Variants in ANKRA2 observed in about 807,000 individuals in gnomAD.
The protein encoded by ANKRA2 is ankyrin repeat family A member 2.
In ANKRA2, 33 loss-of-function variants were observed where a neutral mutation model predicts 37.8. That is an observed-to-expected ratio of 0.87 (90% confidence interval 0.66 to 1.17). The LOEUF is 1.17. ANKRA2 is among the 50% of genes most tolerant of loss of function. The pLI is 0.00. For synonymous variants in ANKRA2, 126 were observed against 132.3 expected, an observed-to-expected ratio of 0.95 and a Z score of 0.33; for missense variants, 326 against 373.7, an observed-to-expected ratio of 0.87 and a Z score of 1.05.
chr5:73,561,486 G>C (rs1266050915), intron 2 of ANKRA2, 198 bp from the exon 3 acceptor site: 1 of 538,174 alleles, frequency 1.9e-6, no homozygotes, highest in Non-Finnish European at 3.1e-6. Flanking sequence ...AAAAGTCTAG[G>C]CTGGGCATGG....
In ANKRA2 at chr5:73,562,976, A is replaced by G; in HGVS notation, c.-95T>C. On this transcript the variant is annotated 5_prime_UTR_variant, in exon 2 of 9. Transcript: ENST00000296785. Reference sequence around the variant, plus strand: ...TCCAGTGTGTTCTTGGAATCTGGATATTTAAAAATCTGAAAGAAAAAATTA... The same window carrying G: ...TCCAGTGTGTTCTTGGAATCTGGATGTTTAAAAATCTGAAAGAAAAAATTA... 1 of 1,199,162 alleles carries G rather than the reference A, an allele frequency of 8.3e-7. No individual in the cohort carries two copies. Among genetic ancestry groups the G allele is most frequent in the African/African-American group, 1.5e-5 (1 of 65,330 alleles). The allele number at this position is 1,199,162 out of a possible 1,614,324, so 74.3% of individuals were successfully genotyped here. A position where few individuals can be genotyped will look rare whatever the true frequency, so the allele number is the denominator to read the frequency against.
At position 73,562,664 on chromosome 5, in the gene ANKRA2, T is replaced by C. The variant is rs745713078; in HGVS notation, c.218A>G (p.Asn73Ser). 7 of 1,614,074 alleles carry C rather than the reference T, an allele frequency of 4.3e-6. No individual in the cohort carries two copies. In the South Asian group the frequency reaches 7.7e-5, roughly 18 times the overall value. ...NVCSRFVKSL[N>S]EEDSKNIQDQ... ...TTGAATATTTTTACTATCTTCTTCATTTAAGGACTTCACAAATCGAGAACA... is the reference window on the plus strand; with the variant it reads ...TTGAATATTTTTACTATCTTCTTCACTTAAGGACTTCACAAATCGAGAACA... The change falls in exon 2 of 9, where the codon AAT becomes AGT. Residue 73 changes from asparagine to serine, a missense_variant. Asn to Ser is a conservative substitution (Grantham distance 46). This residue lies in a region of ANKRA2 where 93 missense variants were observed against 91.1 expected (regional missense o/e 1.02). Transcript: ENST00000296785.
intron 2 of ANKRA2, among the ~76,000 whole-genome samples, chr5:73,562,162 G>A (rs1309683686): frequency 1.3e-5 from 2 of 151,818 alleles, no homozygotes; most frequent in African/African-American, 2.4e-5. Flanking sequence ...GATTACAGGT[G>A]GACGCCACCA....
rs1270352020 is a variant in ANKRA2, at chr5:73,553,272, C to T, written c.886+134G>A. 6.0e-6 allele frequency: 4 copies of T among 663,378 alleles called. No homozygotes were observed. In the East Asian group the frequency reaches 8.7e-5, roughly 14 times the overall value. The allele number at this position is 663,378 out of a possible 1,614,324, so 41.1% of individuals were successfully genotyped here. A position where few individuals can be genotyped will look rare whatever the true frequency, so the allele number is the denominator to read the frequency against. Reference sequence around the variant, plus strand: ...TTTATAGGAATTTGTGGACTTTTCCCAAAGTTAAAAGTATATGTCAGGAGT... The same window carrying T: ...TTTATAGGAATTTGTGGACTTTTCCTAAAGTTAAAAGTATATGTCAGGAGT... On this transcript the variant is annotated intron_variant, in intron 8 of 8. Coordinates refer to ENST00000296785, the MANE Select transcript of ANKRA2 (RefSeq NM_023039.5).
At chr5:73,562,345 C>G in intron 2 of ANKRA2, 1 of 332,926 alleles carries the variant, frequency 3.0e-6, no homozygotes, top group Non-Finnish European at 5.5e-6. Context: ...TAATAGGGAA[C>G]TTCATTAGGG....
chr5:73,555,255 C>T, intron 5 of ANKRA2: 1 of 1,226,718 alleles, frequency 8.2e-7, no homozygotes, highest in Non-Finnish European at 1.1e-6. Flanking sequence ...GCTGACAGTA[C>T]TTCTGTTCCC....
intron 4 of ANKRA2, 83 bp downstream of exon 4, chr5:73,557,492 G>T: frequency 1.1e-6 from 1 of 900,046 alleles, no homozygotes; most frequent in Non-Finnish European, 1.6e-6. Flanking sequence ...TTGTCTTTAG[G>T]ACTTTCTTAT....
At chr5:73,558,235 TCC>T (rs1210949006) in intron 3 of ANKRA2, among the ~76,000 whole-genome samples, 1 of 152,124 alleles carries the variant, frequency 6.6e-6, no homozygotes, top group Non-Finnish European at 1.5e-5. Context: ...CACCTTGACC[TCC>T]CACAGTGCTG....
At chr5:73,558,089 G>A (rs1427997466) in intron 3 of ANKRA2, among the ~76,000 whole-genome samples, 2 of 151,922 alleles carry the variant, frequency 1.3e-5, no homozygotes, top group Admixed American at 6.6e-5. Context: ...AAAATTACAA[G>A]TACTCATTCT....
chr5:73,562,840 G>C lies in ANKRA2; in HGVS notation c.42C>G (p.Ile14Met), dbSNP rs1416429700. ...TATAAGTGCTGGGACACTCTTCCAC[G>C]ATAAGCTGGGCTCCAATATCCAGAT... ...STNLDIGAQL[I>M]VEECPSTYSL... Residue 14 changes from isoleucine (I) to methionine (M), a missense_variant, in exon 2 of 9, where the codon ATC becomes ATG. This residue lies in a region of ANKRA2 where 93 missense variants were observed against 91.1 expected (regional missense o/e 1.02). Coordinates refer to ENST00000296785, the MANE Select transcript of ANKRA2 (RefSeq NM_023039.5). The C allele has an allele frequency of 6.2e-7, 1 of 1,612,968 alleles. No homozygotes were observed. The highest frequency in any genetic ancestry group is 1.7e-5 in the Admixed American group (1 of 59,942).
In ANKRA2 at chr5:73,565,541, G is replaced by A. The variant is rs343109; in HGVS notation, c.-514C>T. 0.31 allele frequency: 60,632 copies of A among 196,756 alleles called. 11,536 individuals carry two copies. Among genetic ancestry groups the A allele is most frequent in the African/African-American group, 0.56 (23,684 of 42,330 alleles). The allele number at this position is 196,756 out of a possible 1,614,324, so 12.2% of individuals were successfully genotyped here. ...CTCTCTCCTTTTTTTTAATATTTTT[G>A]TTTTTGCCGCCTTTACGCTCCGAGG... On this transcript the variant is annotated 5_prime_UTR_variant, in exon 1 of 9. Coordinates refer to ENST00000296785, the MANE Select transcript of ANKRA2 (RefSeq NM_023039.5).
In ANKRA2 at chr5:73,562,903, AACT is replaced by A; in HGVS notation, c.-25_-23del. The A allele has an allele frequency of 6.4e-7, 1 of 1,566,122 alleles. No individual in the cohort carries two copies. The highest frequency in any genetic ancestry group is 8.7e-7 in the Non-Finnish European group (1 of 1,153,442). ...CCATGATTTCAACTGTAGTTTCAAT[AACT>A]AAAACATTTCTTCATGATTTCCTCT... is the stretch of plus-strand genomic sequence containing the variant. On this transcript the variant is annotated 5_prime_UTR_variant, in exon 2 of 9. It removes the in-frame stop codon of an upstream open reading frame in the 5' UTR. Transcript: ENST00000296785.
chr5:73,553,098 AG>A (rs1234496384), intron 8 of ANKRA2, among the ~76,000 whole-genome samples: 1 of 152,184 alleles, frequency 6.6e-6, no homozygotes, highest in Non-Finnish European at 1.5e-5. Flanking sequence ...ACTCAAGGAG[AG>A]TCCAGAATAC....
intron 1 of ANKRA2, among the ~76,000 whole-genome samples, chr5:73,564,927 AG>A (rs34571163): frequency 0.38 from 56,965 of 151,440 alleles, 12,178 homozygotes; most frequent in East Asian, 0.65. Context: ...GGTGGTGGTG[AG>A]AAAAAGGGGG....
rs572450420 is a variant in ANKRA2, at chr5:73,553,321, C to T, written c.886+85G>A. ...GTTGGGATAACATGTTTTAGGATTA[C>T]AGTGATAAAGATGGTTTGGAGTACT... On this transcript the variant is annotated intron_variant, in intron 8 of 8. Coordinates refer to ENST00000296785, the MANE Select transcript of ANKRA2 (RefSeq NM_023039.5). 43 of 985,578 alleles carry T rather than the reference C, an allele frequency of 4.4e-5. No individual in the cohort carries two copies. The African/African-American group carries it at 6.9e-4, about 16-fold the overall frequency. 61.1% of individuals were successfully genotyped at this position (985,578 alleles called of 1,614,324 possible).
At position 73,552,556 on chromosome 5, in the gene ANKRA2, C is replaced by T. The variant is rs114900046; in HGVS notation, c.*241G>A. ...CAAAGACTGATGATAACTATCTGTA[C>T]CATAAAAATTTACATGCCACGAAAA... On this transcript the variant is annotated 3_prime_UTR_variant, in exon 9 of 9. Coordinates refer to ENST00000296785, the MANE Select transcript of ANKRA2 (RefSeq NM_023039.5). 4.4e-3 allele frequency: 1,708 copies of T among 385,988 alleles called. 27 individuals are homozygous for T. Among genetic ancestry groups the T allele is most frequent in the African/African-American group, 0.035 (1,613 of 46,666 alleles). The allele number at this position is 385,988 out of a possible 1,614,324, so 23.9% of individuals were successfully genotyped here.
At position 73,558,296 on chromosome 5, in the gene ANKRA2, A is replaced by C. The variant is rs192099200; in HGVS notation, c.449-656T>G. Among the ~76,000 whole-genome samples the C allele has an allele frequency of 2.0e-5, 3 of 152,112 alleles. No homozygotes were observed. The East Asian group carries it at 5.9e-4, about 30-fold the overall frequency. On this transcript the variant is annotated intron_variant, in intron 3 of 8. Coordinates refer to ENST00000296785, the MANE Select transcript of ANKRA2 (RefSeq NM_023039.5). ...GCCTCAGCCTTTTTTAAAAATCTAC[A>C]AATTGGTATTATCAATGAAATCTAT... is the stretch of plus-strand genomic sequence containing the variant.
intron 5 of ANKRA2, chr5:73,555,258 C>T: frequency 2.4e-6 from 3 of 1,224,838 alleles, no homozygotes; most frequent in Non-Finnish European, 3.3e-6. Context: ...GACAGTACTT[C>T]TGTTCCCGTG....
At chr5:73,557,433 T>A (rs1269830810) in intron 4 of ANKRA2, 142 bp downstream of exon 4, 9 of 269,100 alleles carry the variant, frequency 3.3e-5, no homozygotes, top group Non-Finnish European at 5.6e-5. Flanking sequence ...TTTTTTTTTT[T>A]ACTATCCATT....
Sources: allele counts gnomAD v4.1 joint callset (sites outside exome capture counted in the v4.1 genomes callset), GRCh38; gene constraint gnomAD v4.1.1; regional missense constraint gnomAD v4.1.1; transcripts MANE v1.5; gene names NCBI Gene and HGNC (gene_info 2026-07-23, HGNC 2026-07-21).